The following POLA1 variants were observed in gnomAD, a reference collection of about 807,000 sequenced individuals.
POLA1 encodes DNA polymerase alpha 1, catalytic subunit, also known as DNA polymerase alpha catalytic subunit.
In POLA1, 15 loss-of-function variants were observed where a neutral mutation model predicts 124.0. The ratio of observed to expected loss-of-function variants is 0.12; its 90% CI spans 0.08 to 0.19. The LOEUF is 0.19. Ranked by LOEUF, POLA1 falls within the 10% of genes least tolerant of loss-of-function variation. The pLI is 1.00. For synonymous variants in POLA1, 408 were observed against 389.4 expected (o/e 1.05, Z -0.56); for missense variants, 886 against 1,103.4 (o/e 0.80, Z 2.79).
At chrX:24,716,831 G>A in intron 7 of POLA1, 53 bp from the exon 8 acceptor site, 2 of 725,167 alleles carry the variant, frequency 2.8e-6, no homozygotes, top group Non-Finnish European at 4.3e-6. Context: ...TAGGACAGTT[G>A]CATATTTTTA....
At chrX:24,908,838 T>C (rs2047404757) in intron 35 of POLA1, among the ~76,000 whole-genome samples, 1 of 111,848 alleles carries the variant, frequency 8.9e-6, no homozygotes. Flanking sequence ...TGAACTAGTT[T>C]ACAGTCCCAC....
chrX:24,832,220 C>T (rs1294840498), intron 32 of POLA1, among the ~76,000 whole-genome samples: 1 of 111,741 alleles, frequency 8.9e-6, no homozygotes, highest in Non-Finnish European at 1.9e-5. Flanking sequence ...GTTGCCCACC[C>T]TACTGCTTAC....
intron 35 of POLA1, among the ~76,000 whole-genome samples, chrX:24,928,074 A>G (rs752967630): frequency 2.7e-5 from 3 of 112,374 alleles, no homozygotes; most frequent in Admixed American, 9.5e-5. Context: ...TGAAAATGTA[A>G]TAGGGCCTTT....
intron 34 of POLA1, among the ~76,000 whole-genome samples, chrX:24,860,198 C>T (rs2046698941): frequency 8.9e-6 from 1 of 112,583 alleles, no homozygotes; most frequent in Non-Finnish European, 1.9e-5. Flanking sequence ...ATTAAATACC[C>T]AGAGTACAGT....
intron 36 of POLA1, among the ~76,000 whole-genome samples, chrX:24,973,963 C>T (rs1776902166): frequency 9.1e-6 from 1 of 110,281 alleles, no homozygotes; most frequent in Non-Finnish European, 1.9e-5. Context: ...TCTTGAGTAG[C>T]TCATTGTTCA....
At chrX:24,783,781 G>A (rs779970605) in intron 26 of POLA1, among the ~76,000 whole-genome samples, 28 of 111,197 alleles carry the variant, frequency 2.5e-4, no homozygotes, top group South Asian at 2.3e-3. Context: ...ATTTTGCACC[G>A]TCCAGTATGG....
At chrX:24,850,948 A>G (rs1324209929) in intron 34 of POLA1, among the ~76,000 whole-genome samples, 1 of 111,982 alleles carries the variant, frequency 8.9e-6, no homozygotes, top group East Asian at 2.8e-4. Flanking sequence ...CGTGATGCCC[A>G]GGTCTTTTCA....
intron 35 of POLA1, among the ~76,000 whole-genome samples, chrX:24,911,541 C>T (rs2047449116): frequency 9.2e-6 from 1 of 108,976 alleles, no homozygotes; most frequent in Non-Finnish European, 1.9e-5. Flanking sequence ...TGAGTTTGCA[C>T]CTTAAAAAAT....
chrX:24,826,507 C>G lies in POLA1; in HGVS notation c.3642C>G (p.Thr1214=), dbSNP rs1323819276. The part of the protein sequence containing the change: ...LQKQDNLTID[T]QYYLAQQIHP... ...AACAGGATAATCTAACCATTGACAC[C>G]CAGTACTACCTGGCCCAGCAGATCC... Residue 1214 remains threonine, a synonymous_variant, in exon 32 of 37, where the codon ACC becomes ACG. Transcript: ENST00000379068. 1.7e-6 allele frequency: 2 copies of G among 1,202,856 alleles called. No individual in the cohort carries two copies. The highest frequency in any genetic ancestry group is 1.1e-6 in the Non-Finnish European group (1 of 888,376).
intron 35 of POLA1, among the ~76,000 whole-genome samples, chrX:24,902,391 G>A (rs2047295061): frequency 9.0e-6 from 1 of 111,656 alleles, no homozygotes; most frequent in South Asian, 3.7e-4. Flanking sequence ...TTTAGAAGAT[G>A]CTCCAGTGTT....
intron 26 of POLA1, among the ~76,000 whole-genome samples, chrX:24,793,742 G>T (rs764544304): frequency 1.1e-4 from 12 of 109,271 alleles, no homozygotes; most frequent in African/African-American, 4.0e-4. Context: ...CTACCACCAT[G>T]CCCGGCTAAT....
At chrX:24,955,323 G>A (rs1203221546) in intron 36 of POLA1, among the ~76,000 whole-genome samples, 5 of 106,159 alleles carry the variant, frequency 4.7e-5, no homozygotes, top group East Asian at 3.0e-4. Flanking sequence ...ACTGCCACCC[G>A]CCCACCCCCA....
chrX:24,778,286 A>G (rs756633814), intron 26 of POLA1, among the ~76,000 whole-genome samples: 2 of 111,144 alleles, frequency 1.8e-5, no homozygotes, highest in East Asian at 5.7e-4. Flanking sequence ...TCTGGAGTGC[A>G]GTGGCACGAT....
At position 24,996,284 on chromosome X, in the gene POLA1, C is replaced by T. The variant is rs2048606326; in HGVS notation, c.*334C>T. 6.0e-6 allele frequency: 1 copy of T among 165,780 alleles called. No homozygotes were observed. Among genetic ancestry groups the T allele is most frequent in the South Asian group, 2.5e-4 (1 of 3,922 alleles). The allele number at this position is 165,780 out of a possible 1,213,427, so 13.7% of individuals were successfully genotyped here. A position where few individuals can be genotyped will look rare whatever the true frequency, so the allele number is the denominator to read the frequency against. ...TTGAGAGTAGCTGGAATGTAAGTGA[C>T]CCCAGGCTTTGCCTCAGGGCCTTTA... On this transcript the variant is annotated 3_prime_UTR_variant, in exon 37 of 37. Transcript: ENST00000379068.
chrX:24,734,828 A>G lies in POLA1; in HGVS notation c.1834-571A>G, dbSNP rs1322601273. Among the ~76,000 whole-genome samples the G allele has an allele frequency of 2.7e-5, 3 of 111,143 alleles. No individual in the cohort carries two copies. The East Asian group carries it at 8.5e-4, about 31-fold the overall frequency. The stretch of plus-strand genomic sequence containing the variant: ...ACAGGGTTTCACCATATTGACCAGG[A>G]TGGTCTCAAGCTCCTGACCTCAAGT... On this transcript the variant is annotated intron_variant, in intron 17 of 36. Coordinates refer to ENST00000379068, the MANE Select transcript of POLA1 (RefSeq NM_001330360.2).
At chrX:24,757,530 C>A (rs904769570) in intron 26 of POLA1, among the ~76,000 whole-genome samples, 22 of 105,228 alleles carry the variant, frequency 2.1e-4, no homozygotes, top group Non-Finnish European at 3.5e-4. Flanking sequence ...GGCTCCACCT[C>A]CTGGGTTCAC....
chrX:24,927,948 A>G (rs2047718882), intron 35 of POLA1, among the ~76,000 whole-genome samples: 1 of 112,008 alleles, frequency 8.9e-6, no homozygotes, highest in South Asian at 3.7e-4. Context: ...CCAAGGGATC[A>G]CAAATTAGTG....
chrX:24,746,146 A>C (rs1931988606), intron 24 of POLA1, among the ~76,000 whole-genome samples: 1 of 110,843 alleles, frequency 9.0e-6, no homozygotes, highest in South Asian at 3.9e-4. Flanking sequence ...CCTGTTTTTC[A>C]ATCCCAATTT....
At chrX:24,894,955 G>A (rs1421935648) in intron 35 of POLA1, among the ~76,000 whole-genome samples, 1 of 109,681 alleles carries the variant, frequency 9.1e-6, no homozygotes, top group African/African-American at 3.3e-5. Flanking sequence ...TATATTTTTT[G>A]TAGAAACTGG....
Sources: allele counts gnomAD v4.1 joint callset (sites outside exome capture counted in the v4.1 genomes callset), GRCh38; gene constraint gnomAD v4.1.1; transcripts MANE v1.5; gene names NCBI Gene and HGNC (gene_info 2026-07-23, HGNC 2026-07-21).